The following TCAF1 variants were observed in gnomAD, a reference collection of about 807,000 sequenced individuals.
The protein encoded by TCAF1 is TRPM8 channel associated factor 1.
TCAF1 carries 4 observed loss-of-function variants against 27.3 expected under a neutral mutation model. The ratio of observed to expected loss-of-function variants is 0.15; its 90% CI spans 0.07 to 0.34. The LOEUF (loss-of-function observed/expected upper bound fraction) is 0.34, where lower values mean the gene tolerates loss of function less well. Ranked by LOEUF, TCAF1 falls within the 10% of genes least tolerant of loss-of-function variation. TCAF1 has a pLI of 1.00. For missense variants in TCAF1, 257 were observed against 425.8 expected (o/e 0.60, Z 3.49); for synonymous variants, 105 against 167.1 (o/e 0.63, Z 2.87).
At chr7:143,878,369 A>G (rs983715819) in intron 1 of TCAF1, among the ~76,000 whole-genome samples, 2 of 152,164 alleles carry the variant, frequency 1.3e-5, no homozygotes, top group East Asian at 1.9e-4. Flanking sequence ...TAACACTAAC[A>G]CTAATGCTAA....
Position 143,876,639 on chromosome 7 carries a change from A to G in TCAF1, c.-14-17T>C. 1 of 1,478,996 alleles carries G rather than the reference A, an allele frequency of 6.8e-7. No homozygotes were observed. The highest frequency in any genetic ancestry group is 1.8e-4 in the Middle Eastern group (1 of 5,410). The allele number at this position is 1,478,996 out of a possible 1,614,324, so 91.6% of individuals were successfully genotyped here. On this transcript the variant is annotated splice_polypyrimidine_tract_variant and intron_variant, in intron 1 of 8. Coordinates refer to ENST00000479870, the MANE Select transcript of TCAF1 (RefSeq NM_014719.3). ...TATTGGTTTCTGCAGAGAAGAAAGC[A>G]AAGGCTCAGCTTAGCGAAGAATGGA...
intron 1 of TCAF1, among the ~76,000 whole-genome samples, chr7:143,884,145 T>C (rs1459527476): frequency 6.6e-6 from 1 of 152,226 alleles, no homozygotes; most frequent in Non-Finnish European, 1.5e-5. Context: ...TAAGACTGGA[T>C]GAGTGCCTCA....
intron 2 of TCAF1, among the ~76,000 whole-genome samples, chr7:143,874,608 C>T (rs537750231): frequency 6.7e-6 from 1 of 149,798 alleles, no homozygotes; most frequent in African/African-American, 2.5e-5. Flanking sequence ...TCACTGTAGA[C>T]TGAAAAATGT....
chr7:143,860,021 T>TAATATATA lies in TCAF1; in HGVS notation c.2167+186_2167+187insTATATATT. ...TATATAATATATATATAATATATAT[T>TAATATATA]ATATATTATATATATAATATATAAT... On this transcript the variant is annotated intron_variant, in intron 6 of 8. Coordinates refer to ENST00000479870, the MANE Select transcript of TCAF1 (RefSeq NM_014719.3). 2.3e-3 allele frequency among the ~76,000 whole-genome samples: 74 copies of TAATATATA among 32,720 alleles called. 16 individuals carry two copies. Among genetic ancestry groups the TAATATATA allele is most frequent in the Non-Finnish European group, 3.9e-3 (68 of 17,252 alleles). 21.5% of individuals were successfully genotyped at this position (32,720 alleles called of 152,430 possible). A position where few individuals can be genotyped will look rare whatever the true frequency, so the allele number is the denominator to read the frequency against.
At chr7:143,884,850 T>C (rs1813311312) in intron 1 of TCAF1, 3 of 340,264 alleles carry the variant, frequency 8.8e-6, no homozygotes, top group Admixed American at 6.5e-5. Context: ...TTGAAATATA[T>C]TTCATAATAA....
At position 143,887,302 on chromosome 7, in the gene TCAF1, C is replaced by A. The variant is rs185111073; in HGVS notation, c.-14-10680G>T. Among the ~76,000 whole-genome samples, 192 of 152,244 alleles carry A rather than the reference C, an allele frequency of 1.3e-3. 5 individuals are homozygous for A. In the East Asian group the frequency reaches 0.028, roughly 22 times the overall value. ...GCAATTCTTTAAAATGAGCTCAATT[C>A]ATACCTTGAGAAATTGTCTTAATGT... is the stretch of plus-strand genomic sequence containing the variant. On this transcript the variant is annotated intron_variant, in intron 1 of 8. Transcript: ENST00000479870.
chr7:143,885,611 GTAAAATAATATACAA>G, intron 1 of TCAF1: 1 of 955,824 alleles, frequency 1.0e-6, no homozygotes, highest in Non-Finnish European at 1.2e-6. Flanking sequence ...TGATCTCTGT[GTAAAATAATATACAA>G]CTATTTCCAA....
chr7:143,900,930 A>C (rs1338189209), intron 1 of TCAF1, among the ~76,000 whole-genome samples: 2 of 152,198 alleles, frequency 1.3e-5, no homozygotes, highest in East Asian at 3.9e-4. Flanking sequence ...GCCAATACAT[A>C]TGTTTTAGGA....
intron 1 of TCAF1, among the ~76,000 whole-genome samples, chr7:143,890,475 T>G (rs1813594386): frequency 6.6e-6 from 1 of 152,198 alleles, no homozygotes; most frequent in Non-Finnish European, 1.5e-5. Flanking sequence ...CACAAACTTC[T>G]TGAAATTCCC....
intron 1 of TCAF1, among the ~76,000 whole-genome samples, chr7:143,895,180 A>C (rs1013979455): frequency 6.6e-6 from 1 of 151,864 alleles, no homozygotes; most frequent in Non-Finnish European, 1.5e-5. Flanking sequence ...ATTTAGGCTG[A>C]CCAGATGTAT....
intron 1 of TCAF1, among the ~76,000 whole-genome samples, chr7:143,881,716 A>T (rs1813035848): frequency 6.6e-6 from 1 of 152,020 alleles, no homozygotes; most frequent in Non-Finnish European, 1.5e-5. Flanking sequence ...CCCCTCTACC[A>T]TCCCCATAGG....
chr7:143,882,691 T>G, intron 1 of TCAF1: 1 of 978,176 alleles, frequency 1.0e-6, no homozygotes, highest in Non-Finnish European at 1.2e-6. Context: ...CCACCGTTGC[T>G]GGCCCCTTCT....
At chr7:143,882,678 A>G in intron 1 of TCAF1, 1 of 957,460 alleles carries the variant, frequency 1.0e-6, no homozygotes, top group Middle Eastern at 5.3e-4. Flanking sequence ...ACCCAGGCCG[A>G]GTCCACCGTT....
At chr7:143,885,820 A>G (rs1813374721) in intron 1 of TCAF1, among the ~76,000 whole-genome samples, 3 of 152,222 alleles carry the variant, frequency 2.0e-5, no homozygotes, top group Admixed American at 6.5e-5. Flanking sequence ...AAACTATTAG[A>G]ACCAGTTACT....
At chr7:143,860,468 G>A in intron 5 of TCAF1, 21 bp from the exon 6 acceptor site, 1 of 299,888 alleles carries the variant, frequency 3.3e-6, no homozygotes, top group Middle Eastern at 1.1e-3. Flanking sequence ...AGACCATGGA[G>A]CTTGAAATCC....
chr7:143,878,356 T>C (rs1812834964), intron 1 of TCAF1, among the ~76,000 whole-genome samples: 1 of 152,204 alleles, frequency 6.6e-6, no homozygotes, highest in Non-Finnish European at 1.5e-5. Context: ...ACCATACTAA[T>C]ACTAACACTA....
rs1484855358 is a variant in TCAF1, at chr7:143,882,686, GT to G, written c.-14-6065del. The G allele has an allele frequency of 9.5e-6, 9 of 945,278 alleles. No individual in the cohort carries two copies. In the African/African-American group the frequency reaches 1.7e-4, roughly 17 times the overall value. The allele number at this position is 945,278 out of a possible 1,614,324, so 58.6% of individuals were successfully genotyped here. On this transcript the variant is annotated intron_variant, in intron 1 of 8. Transcript: ENST00000479870. ...CCGCAGCACCCAGGCCGAGTCCACC[GT>G]TGCTGGCCCCTTCTCCAGCCTGCCA...
chr7:143,885,125 CGGACTGCATCG>C, intron 1 of TCAF1: 1 of 985,544 alleles, frequency 1.0e-6, no homozygotes, highest in Non-Finnish European at 1.2e-6. Context: ...CGCACCTCAG[CGGACTGCATCG>C]GGAGCCGCCC....
At chr7:143,878,160 A>G (rs888155095) in intron 1 of TCAF1, among the ~76,000 whole-genome samples, 5 of 152,358 alleles carry the variant, frequency 3.3e-5, no homozygotes, top group Non-Finnish European at 7.3e-5. Flanking sequence ...ATGCCTTTTC[A>G]TAAGTATTAT....
Sources: allele counts gnomAD v4.1 joint callset (sites outside exome capture counted in the v4.1 genomes callset), GRCh38; gene constraint gnomAD v4.1.1; transcripts MANE v1.5; gene names NCBI Gene and HGNC (gene_info 2026-07-23, HGNC 2026-07-21).